The following GNA14 variants were observed in gnomAD, a reference collection of about 807,000 sequenced individuals.
GNA14 encodes the protein guanine nucleotide-binding protein subunit alpha-14.
In GNA14, 50 loss-of-function variants were observed where a neutral mutation model predicts 42.0. That is an observed-to-expected ratio of 1.19 (90% CI 0.95 to 1.51). GNA14 has a LOEUF of 1.51. Ranked by LOEUF, GNA14 falls within the 40% of genes most tolerant of loss-of-function variation. The probability of loss-of-function intolerance (pLI) is 0.00; values close to 1 mark genes in which losing one functional copy is unlikely to be tolerated. For synonymous variants in GNA14, 173 were observed against 163.1 expected, an observed-to-expected ratio of 1.06 and a Z score of -0.46; for missense variants, 473 against 446.2, an observed-to-expected ratio of 1.06 and a Z score of -0.54.
chr9:77,431,270 A>G (rs759572884), intron 4 of GNA14, 51 bp downstream of exon 4: 1 of 1,559,834 alleles, frequency 6.4e-7, no homozygotes, highest in Non-Finnish European at 8.8e-7. Context: ...CCACCTGGGG[A>G]CTTCCAAGCC....
chr9:77,509,862 G>A (rs1389148501), intron 2 of GNA14, among the ~76,000 whole-genome samples: 1 of 152,182 alleles, frequency 6.6e-6, no homozygotes, highest in African/African-American at 2.4e-5. Context: ...TCAAAACTTA[G>A]CGTCAACAAC....
intron 1 of GNA14, among the ~76,000 whole-genome samples, chr9:77,606,834 G>A (rs1823651656): frequency 6.6e-6 from 1 of 152,196 alleles, no homozygotes; most frequent in Non-Finnish European, 1.5e-5. Context: ...AAGATGGTGA[G>A]GCCTTTGGGA....
Position 77,531,603 on chromosome 9 carries a change from A to G in GNA14, c.125-2350T>C, listed in dbSNP as rs368907245. On this transcript the variant is annotated intron_variant, in intron 1 of 6. Coordinates refer to ENST00000341700, the MANE Select transcript of GNA14 (RefSeq NM_004297.4). Reference sequence around the variant, plus strand: ...AGCGAACATTAATATGGCTACATTTACACATTGTGAAGCTGATGTGAATGC... The same window carrying G: ...AGCGAACATTAATATGGCTACATTTGCACATTGTGAAGCTGATGTGAATGC... Among the ~76,000 whole-genome samples, 17 of 152,324 alleles carry G rather than the reference A, an allele frequency of 1.1e-4. No individual in the cohort carries two copies. The East Asian group carries it at 2.7e-3, about 24-fold the overall frequency.
In GNA14 at chr9:77,571,395, TG is replaced by T. The variant is rs1823057033; in HGVS notation, c.125-42143del. 1.3e-5 allele frequency among the ~76,000 whole-genome samples: 2 copies of T among 151,994 alleles called. 1 individual carries two copies. Among genetic ancestry groups the T allele is most frequent in the Non-Finnish European group, 2.9e-5 (2 of 68,036 alleles). On this transcript the variant is annotated intron_variant, in intron 1 of 6. Coordinates refer to ENST00000341700, the MANE Select transcript of GNA14 (RefSeq NM_004297.4). ...TTAAGAGGGTCTTATTTGTAGTGTA[TG>T]GAAGAATATCTTAAATCAATGCTCT...
intron 1 of GNA14, among the ~76,000 whole-genome samples, chr9:77,583,103 A>C (rs1823251704): frequency 6.6e-6 from 1 of 152,210 alleles, no homozygotes; most frequent in Admixed American, 6.5e-5. Flanking sequence ...TGCAAAGCTC[A>C]GAGGTCTTGG....
intron 1 of GNA14, among the ~76,000 whole-genome samples, chr9:77,535,890 TTG>T (rs1338658926): frequency 0.17 from 848 of 4,930 alleles, 3 homozygotes; most frequent in Middle Eastern, 0.28. Flanking sequence ...TTTAGTTGTT[TTG>T]TTTTTTTTTT....
At chr9:77,581,128 T>C (rs189567820) in intron 1 of GNA14, among the ~76,000 whole-genome samples, 4 of 152,078 alleles carry the variant, frequency 2.6e-5, no homozygotes, top group Admixed American at 2.6e-4. Context: ...GCAGTTCTCA[T>C]AGACTTTTTG....
intron 2 of GNA14, among the ~76,000 whole-genome samples, chr9:77,466,527 G>C (rs1251314341): frequency 1.3e-5 from 2 of 151,960 alleles, no homozygotes; most frequent in Non-Finnish European, 2.9e-5. Context: ...TTTAAACATG[G>C]TTTTCTTTAG....
At chr9:77,483,934 A>C (rs1480183626) in intron 2 of GNA14, among the ~76,000 whole-genome samples, 1 of 152,252 alleles carries the variant, frequency 6.6e-6, no homozygotes, top group African/African-American at 2.4e-5. Flanking sequence ...ATGCTTTCAA[A>C]ATCAGAGTGA....
intron 1 of GNA14, among the ~76,000 whole-genome samples, chr9:77,620,772 C>T (rs1020055757): frequency 4.1e-5 from 6 of 145,334 alleles, no homozygotes; most frequent in South Asian, 2.2e-4. Flanking sequence ...TGTTTGAACG[C>T]GCGAGGTGGA....
chr9:77,452,703 G>A (rs1277661426), intron 2 of GNA14, among the ~76,000 whole-genome samples: 24 of 150,540 alleles, frequency 1.6e-4, no homozygotes, highest in Admixed American at 6.7e-5. Flanking sequence ...ATCTGCTGTG[G>A]TCTGAAAGTT....
At chr9:77,638,177 C>A (rs918069785) in intron 1 of GNA14, among the ~76,000 whole-genome samples, 7 of 152,158 alleles carry the variant, frequency 4.6e-5, no homozygotes, top group Admixed American at 3.3e-4. Context: ...ACTGTACCAT[C>A]CAGTCATTAT....
chr9:77,431,937 G>A (rs902363870), intron 3 of GNA14, among the ~76,000 whole-genome samples: 26 of 152,118 alleles, frequency 1.7e-4, no homozygotes, highest in Non-Finnish European at 3.5e-4. Flanking sequence ...AAAACAGGCC[G>A]AGGAGAAATT....
At chr9:77,622,225 A>G (rs936110721) in intron 1 of GNA14, among the ~76,000 whole-genome samples, 2 of 152,242 alleles carry the variant, frequency 1.3e-5, no homozygotes, top group African/African-American at 4.8e-5. Context: ...CCTCATGTGC[A>G]CACAGTCTTT....
intron 1 of GNA14, among the ~76,000 whole-genome samples, chr9:77,601,740 G>T (rs889643617): frequency 6.6e-6 from 1 of 152,168 alleles, no homozygotes; most frequent in Non-Finnish European, 1.5e-5. Context: ...GGACAACATA[G>T]GTCCCGGGCA....
chr9:77,497,879 G>A (rs1836898469), intron 2 of GNA14, among the ~76,000 whole-genome samples: 1 of 152,016 alleles, frequency 6.6e-6, no homozygotes, highest in African/African-American at 2.4e-5. Context: ...TAGCATAAAT[G>A]ACATTAGTAG....
intron 2 of GNA14, among the ~76,000 whole-genome samples, chr9:77,508,277 A>G (rs190469474): frequency 3.9e-5 from 6 of 152,370 alleles, no homozygotes; most frequent in Admixed American, 2.0e-4. Flanking sequence ...TCATTTAAAA[A>G]AATGATTTGT....
chr9:77,603,670 C>CA (rs1334606855), intron 1 of GNA14, among the ~76,000 whole-genome samples: 3 of 151,834 alleles, frequency 2.0e-5, no homozygotes, highest in Admixed American at 2.0e-4. Flanking sequence ...TCACGGGAGT[C>CA]AAAACCTCTG....
chr9:77,517,579 C>A (rs1182649528), intron 2 of GNA14: 1 of 118,332 alleles, frequency 8.5e-6, no homozygotes, highest in African/African-American at 3.4e-5. Flanking sequence ...GGTGCTTATC[C>A]TGGTACTTTT....
Sources: gnomAD v4.1 joint callset for allele counts (sites outside exome capture counted in the v4.1 genomes callset) on GRCh38, gnomAD v4.1.1 for gene constraint, MANE v1.5 for transcripts, NCBI Gene and HGNC (gene_info 2026-07-23, HGNC 2026-07-21) for gene names.